HTR7: variants seen among roughly 807,000 people sequenced by gnomAD.
The protein encoded by HTR7 is 5-hydroxytryptamine receptor 7.
HTR7 carries 16 observed loss-of-function variants against 34.0 expected under a neutral mutation model. The observed-to-expected ratio is 0.47, with a 90% CI of 0.32 to 0.71. The LOEUF (loss-of-function observed/expected upper bound fraction) is 0.71, where lower values mean the gene tolerates loss of function less well. Ranked by LOEUF, HTR7 falls within the 30% of genes least tolerant of loss-of-function variation. The pLI is 0.04. For synonymous variants in HTR7, 265 were observed against 260.2 expected, an observed-to-expected ratio of 1.02 and a Z score of -0.18; for missense variants, 504 against 625.5, an observed-to-expected ratio of 0.81 and a Z score of 2.07.
At chr10:90,756,020 A>G (rs1307738101) in intron 1 of HTR7, among the ~76,000 whole-genome samples, 2 of 152,244 alleles carry the variant, frequency 1.3e-5, no homozygotes, top group African/African-American at 4.8e-5. Flanking sequence ...TATTTATGCA[A>G]TGGAATTCTA....
Position 90,857,502 on chromosome 10 carries a change from G to A in HTR7, c.170C>T (p.Ala57Val), listed in dbSNP as rs574621431. 5 of 1,610,920 alleles carry A rather than the reference G, an allele frequency of 3.1e-6. No homozygotes were observed. The highest frequency in any genetic ancestry group is 1.3e-5 in the African/African-American group (1 of 74,896). ...HLLSEVTASPAPTWDAPPDNA... is the reference protein window; with the variant it reads ...HLLSEVTASPVPTWDAPPDNA... ...GTCCGGGGGCGCGTCCCAGGTGGGC[G>A]CCGGGCTGGCTGTCACCTCGCTCAG... Residue 57 changes from alanine to valine, a missense_variant, in exon 1 of 4, where the codon GCG becomes GTG. Transcript: ENST00000336152. This position sits in a 1 kb window ranked among gnomAD's most constrained non-coding sequence, Gnocchi z 6.5.
At position 90,749,278 on chromosome 10, in the gene HTR7, C is replaced by T. The variant is rs546114010; in HGVS notation, c.856G>A (p.Val286Ile). The T allele has an allele frequency of 1.0e-4, 164 of 1,614,148 alleles. No homozygotes were observed. The highest frequency in any genetic ancestry group is 1.3e-4 in the Non-Finnish European group (159 of 1,180,010). The part of the protein sequence containing the change: ...PGFPRVEPDS[V>I]IALNGIVKLQ... ...TTCACTATGCCATTCAGGGCGATGA[C>T]GCTGTCTGGCTCCACTCGAGGGAAG... is the stretch of plus-strand genomic sequence containing the variant. The change falls in exon 2 of 4, where the codon GTC (valine) becomes ATC (isoleucine). Residue 286 changes from valine to isoleucine, a missense_variant. Physicochemically the swap from Val to Ile is conservative, Grantham distance 29. This residue lies in a region of HTR7 where 57 missense variants were observed against 47.5 expected (regional missense o/e 1.20). Coordinates refer to ENST00000336152, the MANE Select transcript of HTR7 (RefSeq NM_019859.4). The surrounding 1 kb of genome is among the most constrained non-coding windows in gnomAD (Gnocchi z 4.2).
intron 1 of HTR7, among the ~76,000 whole-genome samples, chr10:90,849,575 G>A (rs1354139509): frequency 6.6e-6 from 1 of 152,218 alleles, no homozygotes; most frequent in Non-Finnish European, 1.5e-5. Context: ...AGTTCAAGAT[G>A]TTGAGGAGTG....
chr10:90,825,961 A>T (rs1846066783), intron 1 of HTR7, among the ~76,000 whole-genome samples: 1 of 152,192 alleles, frequency 6.6e-6, no homozygotes, highest in African/African-American at 2.4e-5. Context: ...GATAACAGAG[A>T]ACTTGACAAA....
intron 1 of HTR7, among the ~76,000 whole-genome samples, chr10:90,852,002 A>G (rs1846507833): frequency 6.6e-6 from 1 of 152,098 alleles, no homozygotes; most frequent in Admixed American, 6.6e-5. Flanking sequence ...TTCCTTTATA[A>G]ATTACCCAGT....
chr10:90,772,506 C>T (rs1051588012), intron 1 of HTR7, among the ~76,000 whole-genome samples: 1 of 152,154 alleles, frequency 6.6e-6, no homozygotes, highest in African/African-American at 2.4e-5. Context: ...CTATTTATCT[C>T]CTATTTCCTT....
chr10:90,856,475 T>G (rs1408028656), intron 1 of HTR7, among the ~76,000 whole-genome samples: 1 of 152,166 alleles, frequency 6.6e-6, no homozygotes, highest in Non-Finnish European at 1.5e-5. Context: ...GGGGGAGTTC[T>G]CAAGAGAAGG....
At chr10:90,765,524 A>ATTTTTTTTTTTTTTTTTTTTTTTT (rs35382478) in intron 1 of HTR7, among the ~76,000 whole-genome samples, 1 of 143,702 alleles carries the variant, frequency 7.0e-6, no homozygotes, top group Non-Finnish European at 1.5e-5. Flanking sequence ...AGTCTATTTC[A>ATTTTTTTTTTTTTTTTTTTTTTTT]TTTTTTTTTT....
intron 1 of HTR7, among the ~76,000 whole-genome samples, chr10:90,752,394 AT>A (rs1243444027): frequency 6.6e-6 from 1 of 152,114 alleles, no homozygotes; most frequent in Non-Finnish European, 1.5e-5. Flanking sequence ...ACTGAGGTAC[AT>A]TTTTTAAAAT....
At chr10:90,755,751 T>C (rs554846553) in intron 1 of HTR7, among the ~76,000 whole-genome samples, 34 of 152,190 alleles carry the variant, frequency 2.2e-4, no homozygotes, top group Non-Finnish European at 4.0e-4. Context: ...TATGAAACAA[T>C]TGTGATTCTC....
chr10:90,742,316 C>T lies in HTR7; in HGVS notation c.*166G>A. 1 of 525,906 alleles carries T rather than the reference C, an allele frequency of 1.9e-6. No homozygotes were observed. Among genetic ancestry groups the T allele is most frequent in the South Asian group, 2.8e-5 (1 of 36,104 alleles). 32.6% of individuals were successfully genotyped at this position (525,906 alleles called of 1,614,324 possible). ...ATCCACAGAAAAAAGGAGAAGTCAC[C>T]ATCTCCCTCATAAGATAGTGTGTAC... On this transcript the variant is annotated 3_prime_UTR_variant, in exon 4 of 4. Coordinates refer to ENST00000336152, the MANE Select transcript of HTR7 (RefSeq NM_019859.4).
intron 1 of HTR7, among the ~76,000 whole-genome samples, chr10:90,777,309 T>C (rs972238227): frequency 6.6e-6 from 1 of 151,742 alleles, no homozygotes; most frequent in Admixed American, 6.6e-5. Context: ...GGTGAAACCC[T>C]GTCTCTACTA....
chr10:90,831,479 A>T (rs7897751), intron 1 of HTR7, among the ~76,000 whole-genome samples: 32,386 of 152,068 alleles, frequency 0.21, 4,458 homozygotes, highest in African/African-American at 0.38. Flanking sequence ...GTTACAGCTC[A>T]TAAAAGCAGT....
intron 1 of HTR7, among the ~76,000 whole-genome samples, chr10:90,836,906 T>C (rs1846261216): frequency 6.6e-6 from 1 of 152,224 alleles, no homozygotes; most frequent in South Asian, 2.1e-4. Flanking sequence ...ACAACTTATG[T>C]AAGGTCATAG....
At chr10:90,780,797 C>T (rs565424833) in intron 1 of HTR7, among the ~76,000 whole-genome samples, 15 of 152,244 alleles carry the variant, frequency 9.9e-5, no homozygotes, top group Non-Finnish European at 2.1e-4. Flanking sequence ...TAAAATCCAA[C>T]GGGATTGTTG....
intron 1 of HTR7, among the ~76,000 whole-genome samples, chr10:90,833,918 CA>C (rs1846215289): frequency 6.6e-6 from 1 of 152,036 alleles, no homozygotes; most frequent in Non-Finnish European, 1.5e-5. Flanking sequence ...GGATTATTAT[CA>C]AAAGGCTTTA....
chr10:90,756,209 C>G (rs2119699135), intron 1 of HTR7, among the ~76,000 whole-genome samples: 1 of 152,310 alleles, frequency 6.6e-6, no homozygotes, highest in South Asian at 2.1e-4. Flanking sequence ...AAGTCCTAAG[C>G]AATGAGGGTG....
chr10:90,825,974 T>C (rs1368712529), intron 1 of HTR7, among the ~76,000 whole-genome samples: 1 of 152,082 alleles, frequency 6.6e-6, no homozygotes, highest in Non-Finnish European at 1.5e-5. Context: ...TTGACAAACC[T>C]AGAGAAAGCT....
chr10:90,752,865 T>C (rs1844763047), intron 1 of HTR7, among the ~76,000 whole-genome samples: 1 of 152,156 alleles, frequency 6.6e-6, no homozygotes, highest in South Asian at 2.1e-4. Flanking sequence ...AAGATTATCA[T>C]GTAAAAAAAT....
Sources: allele counts gnomAD v4.1 joint callset (sites outside exome capture counted in the v4.1 genomes callset), GRCh38; gene constraint gnomAD v4.1.1; regional missense constraint gnomAD v4.1.1; non-coding constraint Gnocchi (gnomAD v3.1); transcripts MANE v1.5; gene names NCBI Gene and HGNC (gene_info 2026-07-23, HGNC 2026-07-21).